JAZF1: variants seen among roughly 807,000 people sequenced by gnomAD.
JAZF1 encodes JAZF zinc finger 1.
Under a neutral mutation model 26.4 loss-of-function variants are expected in JAZF1, and 8 were observed. The observed-to-expected ratio is 0.30, with a 90% CI of 0.18 to 0.55. JAZF1 has a LOEUF of 0.55. Among genes scored for constraint, JAZF1 ranks in the 20% least tolerant of loss-of-function variants. JAZF1 has a pLI of 0.94. For synonymous variants in JAZF1, 126 were observed against 122.3 expected, an observed-to-expected ratio of 1.03 and a Z score of -0.20; for missense variants, 199 against 322.0, an observed-to-expected ratio of 0.62 and a Z score of 2.92.
At chr7:27,990,119 T>A (rs981107854) in intron 2 of JAZF1, among the ~76,000 whole-genome samples, 1 of 152,032 alleles carries the variant, frequency 6.6e-6, no homozygotes, top group Non-Finnish European at 1.5e-5. Context: ...AAAGGATGAG[T>A]TCATGTCCTT....
intron 2 of JAZF1, among the ~76,000 whole-genome samples, chr7:27,973,188 A>G (rs1785409798): frequency 6.6e-6 from 1 of 152,130 alleles, no homozygotes; most frequent in Non-Finnish European, 1.5e-5. Context: ...TAAAATTTCT[A>G]TTATTCAATA....
chr7:28,088,888 T>A (rs1464200932), intron 1 of JAZF1, among the ~76,000 whole-genome samples: 1 of 152,252 alleles, frequency 6.6e-6, no homozygotes, highest in Admixed American at 6.5e-5. Flanking sequence ...TTGATTCTCA[T>A]GTTAATTCCT....
chr7:28,134,404 G>A (rs1420693836), intron 1 of JAZF1, among the ~76,000 whole-genome samples: 1 of 151,398 alleles, frequency 6.6e-6, no homozygotes, highest in African/African-American at 2.4e-5. Context: ...GGGCTCAAGT[G>A]ATCCTCCCAA....
At position 28,056,470 on chromosome 7, in the gene JAZF1, ACACAC is replaced by A. The variant is rs201782549; in HGVS notation, c.116-64494_116-64490del. ...CACACACACACACACACACACACAC[ACACAC>A]AATAAGAAAGAAATTCTTGAGGCTG... On this transcript the variant is annotated intron_variant, in intron 1 of 4. Transcript: ENST00000283928. Among the ~76,000 whole-genome samples the A allele has an allele frequency of 5.1e-3, 727 of 142,624 alleles. 8 individuals are homozygous for A. The highest frequency in any genetic ancestry group is 0.017 in the Admixed American group (242 of 14,438). The allele number at this position is 142,624 out of a possible 152,430, so 93.6% of individuals were successfully genotyped here.
At chr7:28,024,975 T>C (rs1435935383) in intron 1 of JAZF1, among the ~76,000 whole-genome samples, 1 of 152,216 alleles carries the variant, frequency 6.6e-6, no homozygotes, top group Non-Finnish European at 1.5e-5. Flanking sequence ...GCCAAGCTTC[T>C]TGCAGGAAGA....
Position 27,899,539 on chromosome 7 carries a change from A to C in JAZF1, c.189-4123T>G, listed in dbSNP as rs538124502. Among the ~76,000 whole-genome samples, 164 of 152,180 alleles carry C rather than the reference A, an allele frequency of 1.1e-3. 1 individual carries two copies. Among genetic ancestry groups the C allele is most frequent in the African/African-American group, 3.7e-3 (155 of 41,516 alleles). Reference sequence around the variant, plus strand: ...AGCACCAACCTCCTGGGCTCAAGCAATCTTCTTGCCTCAGCCTCCCAAGTA... The same window carrying C: ...AGCACCAACCTCCTGGGCTCAAGCACTCTTCTTGCCTCAGCCTCCCAAGTA... On this transcript the variant is annotated intron_variant, in intron 2 of 4. Transcript: ENST00000283928.
At chr7:27,839,253 C>G (rs568711731) in intron 4 of JAZF1, among the ~76,000 whole-genome samples, 1 of 152,140 alleles carries the variant, frequency 6.6e-6, no homozygotes, top group East Asian at 1.9e-4. Context: ...AAGACACCCC[C>G]GGCCTGGTGC....
At chr7:28,143,537 T>C (rs1782986224) in intron 1 of JAZF1, among the ~76,000 whole-genome samples, 2 of 152,186 alleles carry the variant, frequency 1.3e-5, no homozygotes, top group African/African-American at 2.4e-5. Context: ...CCATTGACTA[T>C]ACAGTCCCAG....
Position 27,832,746 on chromosome 7 carries a change from T to C in JAZF1, c.*54A>G. ...CTTCCCCTGAAAAAAGGTGGCTGTT[T>C]TCAAAATCAGCAACTGCTGGTGAGG... On this transcript the variant is annotated 3_prime_UTR_variant, in exon 5 of 5. Coordinates refer to ENST00000283928, the MANE Select transcript of JAZF1 (RefSeq NM_175061.4). 1 of 1,391,774 alleles carries C rather than the reference T, an allele frequency of 7.2e-7. No homozygotes were observed. The highest frequency in any genetic ancestry group is 1.8e-5 in the South Asian group (1 of 55,338). The allele number at this position is 1,391,774 out of a possible 1,614,324, so 86.2% of individuals were successfully genotyped here.
At chr7:27,951,254 T>G (rs1164415404) in intron 2 of JAZF1, among the ~76,000 whole-genome samples, 1 of 152,206 alleles carries the variant, frequency 6.6e-6, no homozygotes. Context: ...GGAATGCTAC[T>G]CTGGCTCACA....
chr7:28,106,997 G>A (rs955534292), intron 1 of JAZF1, among the ~76,000 whole-genome samples: 2 of 152,166 alleles, frequency 1.3e-5, no homozygotes, highest in African/African-American at 4.8e-5. Flanking sequence ...GGAAAATTAT[G>A]TAAATTATAC....
rs1180302345 is a variant in JAZF1, at chr7:28,110,598, A to AAAAGG, written c.115+69860_115+69864dup. On this transcript the variant is annotated intron_variant, in intron 1 of 4. Coordinates refer to ENST00000283928, the MANE Select transcript of JAZF1 (RefSeq NM_175061.4). ...GAAAGGGAAAAGGAAAAGGAAAAGG[A>AAAAGG]AAAGGAAAAGGAAAGGAAAAGGAAA... is the stretch of plus-strand genomic sequence containing the variant. 2.8e-3 allele frequency among the ~76,000 whole-genome samples: 304 copies of AAAAGG among 109,748 alleles called. 4 individuals are homozygous for AAAAGG. The highest frequency in any genetic ancestry group is 0.013 in the Middle Eastern group (3 of 238). 72.0% of individuals were successfully genotyped at this position (109,748 alleles called of 152,430 possible).
At chr7:27,951,077 C>T (rs966987024) in intron 2 of JAZF1, among the ~76,000 whole-genome samples, 38 of 152,108 alleles carry the variant, frequency 2.5e-4, no homozygotes, top group Admixed American at 6.5e-4. Flanking sequence ...GGATGGTGAA[C>T]CCACGTAACC....
At chr7:27,898,007 A>G (rs977610630) in intron 2 of JAZF1, among the ~76,000 whole-genome samples, 2 of 152,208 alleles carry the variant, frequency 1.3e-5, no homozygotes, top group Non-Finnish European at 2.9e-5. Context: ...GTCATGTACC[A>G]AGTGGCTCAA....
rs10486575 is a variant in JAZF1, at chr7:28,067,761, G to A, written c.116-75780C>T. Among the ~76,000 whole-genome samples the A allele has an allele frequency of 0.021, 3,239 of 152,272 alleles. 264 individuals are homozygous for A. The East Asian group carries it at 0.29, about 14-fold the overall frequency. ...ATAGGTTGGAAGGGGACTTCGGCAGGTGCTCAAACCAATCTTCAAACTGTA... is the reference window on the plus strand; with the variant it reads ...ATAGGTTGGAAGGGGACTTCGGCAGATGCTCAAACCAATCTTCAAACTGTA... On this transcript the variant is annotated intron_variant, in intron 1 of 4. Transcript: ENST00000283928.
chr7:28,174,180 C>T (rs773150413), intron 1 of JAZF1, among the ~76,000 whole-genome samples: 8 of 152,104 alleles, frequency 5.3e-5, no homozygotes, highest in African/African-American at 1.4e-4. Context: ...ACACAGGACA[C>T]GTCTGTACTG....
intron 1 of JAZF1, among the ~76,000 whole-genome samples, chr7:28,055,972 T>TAC (rs1027482114): frequency 2.0e-5 from 3 of 152,200 alleles, no homozygotes; most frequent in African/African-American, 7.2e-5. Flanking sequence ...GAAAACATTG[T>TAC]ACTATGGTGC....
chr7:28,173,868 T>C (rs1783509302), intron 1 of JAZF1, among the ~76,000 whole-genome samples: 1 of 139,650 alleles, frequency 7.2e-6, no homozygotes, highest in South Asian at 2.3e-4. Flanking sequence ...GGTCCCTGCT[T>C]GCAGCTAGCT....
chr7:28,135,902 G>T (rs936254270), intron 1 of JAZF1, among the ~76,000 whole-genome samples: 1 of 152,204 alleles, frequency 6.6e-6, no homozygotes, highest in Non-Finnish European at 1.5e-5. Context: ...TCCTCTTCCT[G>T]TATTAGAGTC....
Sources: gnomAD v4.1 joint callset for allele counts (sites outside exome capture counted in the v4.1 genomes callset) on GRCh38, gnomAD v4.1.1 for gene constraint, MANE v1.5 for transcripts, NCBI Gene and HGNC (gene_info 2026-07-23, HGNC 2026-07-21) for gene names.